Variants in SUPT3H observed in about 807,000 individuals in gnomAD.
The protein encoded by SUPT3H is transcription initiation protein SPT3 homolog.
SUPT3H carries 44 observed loss-of-function variants against 44.3 expected under a neutral mutation model. The ratio of observed to expected loss-of-function variants is 0.99; its 90% CI spans 0.78 to 1.28. SUPT3H has a LOEUF of 1.28. Ranked by LOEUF, SUPT3H falls within the 50% of genes most tolerant of loss-of-function variation. SUPT3H has a pLI of 0.00. For synonymous variants in SUPT3H, 124 were observed against 125.6 expected, an observed-to-expected ratio of 0.99 and a Z score of 0.09; for missense variants, 380 against 387.1, an observed-to-expected ratio of 0.98 and a Z score of 0.15.
At chr6:44,836,744 CA>C (rs1554131678) in intron 10 of SUPT3H, among the ~76,000 whole-genome samples, 2 of 151,900 alleles carry the variant, frequency 1.3e-5, no homozygotes, top group Non-Finnish European at 2.9e-5. Flanking sequence ...TGTTGTTGAG[CA>C]AAATAATTAA....
At chr6:45,130,711 ACTTTTT>A (rs1315312977) in intron 2 of SUPT3H, among the ~76,000 whole-genome samples, 2 of 56,212 alleles carry the variant, frequency 3.6e-5, no homozygotes, top group Non-Finnish European at 7.7e-5. Context: ...AAAAAAAACC[ACTTTTT>A]TTTTTTTTTT....
Position 45,281,662 on chromosome 6 carries a change from G to C in SUPT3H, c.101+83539C>G, listed in dbSNP as rs563954407. On this transcript the variant is annotated intron_variant, in intron 2 of 10. Coordinates refer to ENST00000371459, the MANE Select transcript of SUPT3H (RefSeq NM_003599.4). ...CCTGCCTCTGTAGACTCCACCTCTGGGGGCAGGGCATAGCCAAACAATAGG... is the reference window on the plus strand; with the variant it reads ...CCTGCCTCTGTAGACTCCACCTCTGCGGGCAGGGCATAGCCAAACAATAGG... Among the ~76,000 whole-genome samples, 5 of 152,248 alleles carry C rather than the reference G, an allele frequency of 3.3e-5. No homozygotes were observed. The East Asian group carries it at 5.8e-4, about 18-fold the overall frequency.
At chr6:45,043,508 A>C (rs2153531429) in intron 3 of SUPT3H, among the ~76,000 whole-genome samples, 1 of 152,290 alleles carries the variant, frequency 6.6e-6, no homozygotes, top group Admixed American at 6.5e-5. Flanking sequence ...AGCAATGATG[A>C]GACTTACACC....
intron 2 of SUPT3H, among the ~76,000 whole-genome samples, chr6:45,286,662 A>C (rs7764679): frequency 0.075 from 11,467 of 152,218 alleles, 865 homozygotes; most frequent in African/African-American, 0.18. Flanking sequence ...AACTAGTTCA[A>C]CCATTGTGGA....
intron 2 of SUPT3H, among the ~76,000 whole-genome samples, chr6:45,226,739 A>T (rs752310662): frequency 1.3e-5 from 2 of 152,016 alleles, no homozygotes; most frequent in Non-Finnish European, 2.9e-5. Flanking sequence ...CCATGTTAGT[A>T]AGGCTGGTCT....
At chr6:45,006,646 A>G (rs1303692060) in intron 5 of SUPT3H, among the ~76,000 whole-genome samples, 1 of 152,010 alleles carries the variant, frequency 6.6e-6, no homozygotes, top group African/African-American at 2.4e-5. Context: ...CTAACGTTTC[A>G]CCCTTTCCAG....
At chr6:45,039,775 A>G (rs1788235893) in intron 3 of SUPT3H, among the ~76,000 whole-genome samples, 1 of 151,984 alleles carries the variant, frequency 6.6e-6, no homozygotes, top group Admixed American at 6.6e-5. Context: ...ACTAAGAGAG[A>G]CTATGTCTCA....
intron 9 of SUPT3H, among the ~76,000 whole-genome samples, chr6:44,943,254 G>A (rs1772758068): frequency 6.6e-6 from 1 of 151,978 alleles, no homozygotes; most frequent in African/African-American, 2.4e-5. Context: ...TACTAGATGG[G>A]TGTCACAATA....
intron 2 of SUPT3H, among the ~76,000 whole-genome samples, chr6:45,173,352 T>TATTACCC (rs1204059226): frequency 6.6e-6 from 1 of 152,222 alleles, no homozygotes; most frequent in African/African-American, 2.4e-5. Flanking sequence ...AAGCTCATTT[T>TATTACCC]ATTAATAAAA....
chr6:45,368,429 T>C (rs982245421), intron 1 of SUPT3H, among the ~76,000 whole-genome samples: 1 of 152,142 alleles, frequency 6.6e-6, no homozygotes, highest in African/African-American at 2.4e-5. Context: ...TCAGAAAATA[T>C]TGCTATCAAA....
chr6:45,079,990 ACAAT>A (rs1472427686), intron 3 of SUPT3H, among the ~76,000 whole-genome samples: 1 of 152,224 alleles, frequency 6.6e-6, no homozygotes. Context: ...AGCAAAGGAA[ACAAT>A]CAACAAAGTA....
intron 2 of SUPT3H, among the ~76,000 whole-genome samples, chr6:45,312,354 T>C (rs866492928): frequency 2.0e-5 from 3 of 151,266 alleles, no homozygotes; most frequent in Middle Eastern, 6.9e-3. Context: ...CTCCACAAAA[T>C]ATACAAAAAA....
At chr6:45,271,726 C>T (rs1267868122) in intron 2 of SUPT3H, among the ~76,000 whole-genome samples, 1 of 152,174 alleles carries the variant, frequency 6.6e-6, no homozygotes, top group Non-Finnish European at 1.5e-5. Flanking sequence ...GGCCACCATC[C>T]TCTAGACCCC....
rs1766359600 is a variant in SUPT3H, at chr6:44,809,346, ATTGT to A, written c.*204_*207del. Reference sequence around the variant, plus strand: ...TCAGAGACAGTGCTTCCGTAGCCAAATTGTTTCATTGTTCAAGTATATTGATAGG... The same window carrying A: ...TCAGAGACAGTGCTTCCGTAGCCAAATTCATTGTTCAAGTATATTGATAGG... On this transcript the variant is annotated 3_prime_UTR_variant and NMD_transcript_variant, in exon 12 of 12. Transcript: ENST00000475057. The A allele has an allele frequency of 2.0e-5, 3 of 152,234 alleles. No individual in the cohort carries two copies. The South Asian group carries it at 6.2e-4, about 32-fold the overall frequency. 9.4% of individuals were successfully genotyped at this position (152,234 alleles called of 1,614,324 possible). A position where few individuals can be genotyped will look rare whatever the true frequency, so the allele number is the denominator to read the frequency against.
At chr6:45,268,089 CAAAGTTAAAA>C (rs1775542165) in intron 2 of SUPT3H, among the ~76,000 whole-genome samples, 1 of 152,024 alleles carries the variant, frequency 6.6e-6, no homozygotes, top group Non-Finnish European at 1.5e-5. Context: ...CCTTGATATT[CAAAGTTAAAA>C]AACAAATGAA....
chr6:44,926,079 C>T (rs527260679), intron 10 of SUPT3H, among the ~76,000 whole-genome samples: 10 of 152,116 alleles, frequency 6.6e-5, no homozygotes, highest in Middle Eastern at 6.8e-3. Flanking sequence ...ACCCGCGATA[C>T]GCTTGTAGTA....
chr6:45,132,915 A>G (rs1803696841), intron 2 of SUPT3H, among the ~76,000 whole-genome samples: 3 of 152,200 alleles, frequency 2.0e-5, no homozygotes, highest in African/African-American at 4.8e-5. Flanking sequence ...CACATGATTT[A>G]TCCAACAGGA....
At chr6:45,044,689 T>G (rs950508065) in intron 3 of SUPT3H, among the ~76,000 whole-genome samples, 4 of 152,184 alleles carry the variant, frequency 2.6e-5, no homozygotes, top group African/African-American at 7.2e-5. Flanking sequence ...TCATGGTTAC[T>G]GGGTGATGGA....
chr6:45,315,533 A>G (rs908896442), intron 2 of SUPT3H, among the ~76,000 whole-genome samples: 8 of 152,142 alleles, frequency 5.3e-5, no homozygotes, highest in African/African-American at 1.9e-4. Context: ...AAAATGCTCA[A>G]CATCACTAAT....
Sources: gnomAD v4.1 joint callset for allele counts (sites outside exome capture counted in the v4.1 genomes callset) on GRCh38, gnomAD v4.1.1 for gene constraint, MANE v1.5 for transcripts, NCBI Gene and HGNC (gene_info 2026-07-23, HGNC 2026-07-21) for gene names.